RASAL2: variants seen among roughly 807,000 people sequenced by gnomAD.
The protein encoded by RASAL2 is ras GTPase-activating protein nGAP.
A neutral mutation model predicts 128.9 loss-of-function variants in RASAL2; 58 were observed. The ratio of observed to expected loss-of-function variants is 0.45; its 90% confidence interval spans 0.36 to 0.56. The LOEUF is 0.56. RASAL2 is among the 20% of genes least tolerant of loss of function. RASAL2 has a pLI of 0.00. For missense variants in RASAL2, 1,360 were observed against 1,601.6 expected (o/e 0.85, Z 2.57); for synonymous variants, 561 against 580.8 (o/e 0.97, Z 0.49).
chr1:178,165,691 T>C (rs908950721), intron 1 of RASAL2, among the ~76,000 whole-genome samples: 2 of 152,200 alleles, frequency 1.3e-5, no homozygotes, highest in Non-Finnish European at 2.9e-5. Context: ...GCCAGAGCTG[T>C]GTTTTATTCA....
At chr1:178,299,683 A>C (rs1434111044) in intron 2 of RASAL2, among the ~76,000 whole-genome samples, 3 of 151,798 alleles carry the variant, frequency 2.0e-5, no homozygotes, top group Non-Finnish European at 4.4e-5. Context: ...TTTTTGTAGA[A>C]ACAGGGTTTC....
chr1:178,137,384 A>G (rs1009256222), intron 1 of RASAL2, among the ~76,000 whole-genome samples: 3 of 152,202 alleles, frequency 2.0e-5, no homozygotes, highest in East Asian at 1.9e-4. Context: ...CTTTCTCCCA[A>G]TTACTGCATT....
chr1:178,343,741 T>G (rs1669999038), intron 3 of RASAL2, among the ~76,000 whole-genome samples: 1 of 152,170 alleles, frequency 6.6e-6, no homozygotes, highest in Non-Finnish European at 1.5e-5. Flanking sequence ...ACACACTTCT[T>G]TTTTAATTCT....
Position 178,094,527 on chromosome 1 carries a change from A to T in RASAL2, c.35A>T (p.Glu12Val). 4 of 1,574,012 alleles carry T rather than the reference A, an allele frequency of 2.5e-6. No individual in the cohort carries two copies. The highest frequency in any genetic ancestry group is 3.4e-6 in the Non-Finnish European group (4 of 1,160,590). ...ELSPSSGGAA[E>V]ALSWPEMFPA... ...TCTCCGTCGTCCGGAGGAGCCGCGG[A>T]GGCGCTGTCCTGGCCGGAGATGTTC... Residue 12 changes from glutamate (E) to valine (V), a missense_variant, in exon 1 of 18, where the codon GAG becomes GTG. Coordinates refer to ENST00000367649, the MANE Select transcript of RASAL2 (RefSeq NM_170692.4).
Position 178,457,611 on chromosome 1 carries a change from G to A in RASAL2, c.2391-72G>A. The A allele has an allele frequency of 4.0e-6, 6 of 1,510,766 alleles. No individual in the cohort carries two copies. The South Asian group carries it at 7.6e-5, about 19-fold the overall frequency. 93.6% of individuals were successfully genotyped at this position (1,510,766 alleles called of 1,614,324 possible). A position where few individuals can be genotyped will look rare whatever the true frequency, so the allele number is the denominator to read the frequency against. On this transcript the variant is annotated intron_variant, in intron 13 of 17. Coordinates refer to ENST00000367649, the MANE Select transcript of RASAL2 (RefSeq NM_170692.4). ...TAAGAACCTTCGGAGGAGTTCATAT[G>A]CCTGAATTGAGGCATCTTAGCCATG...
intron 1 of RASAL2, among the ~76,000 whole-genome samples, chr1:178,138,060 C>T (rs1256073247): frequency 6.6e-6 from 1 of 152,072 alleles, no homozygotes; most frequent in African/African-American, 2.4e-5. Context: ...AGGAGAAGTG[C>T]CACGTGTATT....
intron 6 of RASAL2, 77 bp from the exon 7 acceptor site, chr1:178,441,472 G>A: frequency 1.1e-6 from 1 of 949,694 alleles, no homozygotes; most frequent in Middle Eastern, 2.1e-4. Flanking sequence ...AAGAGTTAGA[G>A]GTATGCTGTG....
At chr1:178,219,656 G>A (rs1199325819) in intron 1 of RASAL2, among the ~76,000 whole-genome samples, 2 of 150,874 alleles carry the variant, frequency 1.3e-5, no homozygotes, top group African/African-American at 4.9e-5. Flanking sequence ...AAGAAAGAAA[G>A]AAAGAAAGAA....
intron 4 of RASAL2, among the ~76,000 whole-genome samples, chr1:178,407,879 T>C (rs1674092639): frequency 6.6e-6 from 1 of 152,226 alleles, no homozygotes; most frequent in Non-Finnish European, 1.5e-5. Flanking sequence ...GCAGCAGTTT[T>C]ATTTCAGTTA....
At chr1:178,266,564 G>A (rs1002715187) in intron 1 of RASAL2, among the ~76,000 whole-genome samples, 2 of 152,170 alleles carry the variant, frequency 1.3e-5, no homozygotes, top group African/African-American at 4.8e-5. Flanking sequence ...ATGGACACAC[G>A]TGGAGTGGTT....
chr1:178,176,234 T>G (rs1661885508), intron 1 of RASAL2, among the ~76,000 whole-genome samples: 1 of 140,478 alleles, frequency 7.1e-6, no homozygotes, highest in South Asian at 2.1e-4. Flanking sequence ...GTTTTTTGAC[T>G]CTAGTTGTGG....
chr1:178,442,969 C>A lies in RASAL2; in HGVS notation c.1222C>A (p.Arg408Ser). ...VNIPTASVTG[R>S]QFVEKWYPVS... Reference sequence around the variant, plus strand: ...CATCCCCACTGCCAGTGTGACTGGTCGCCAATTTGTAGAAAAGTGGTATCC... The same window carrying A: ...CATCCCCACTGCCAGTGTGACTGGTAGCCAATTTGTAGAAAAGTGGTATCC... Residue 408 changes from arginine to serine, a missense_variant, in exon 8 of 18, where the codon CGC becomes AGC. Arg to Ser is a moderately radical substitution (Grantham distance 110). Around this residue, in one of 3 missense-constraint regions of RASAL2, gnomAD observed 617 missense variants for 714.2 expected, o/e 0.86. Transcript: ENST00000367649. 1 of 1,613,994 alleles carries A rather than the reference C, an allele frequency of 6.2e-7. No individual in the cohort carries two copies. The highest frequency in any genetic ancestry group is 1.1e-5 in the South Asian group (1 of 91,072).
At chr1:178,382,875 A>G (rs901950292) in intron 3 of RASAL2, among the ~76,000 whole-genome samples, 1 of 152,158 alleles carries the variant, frequency 6.6e-6, no homozygotes, top group African/African-American at 2.4e-5. Context: ...CGTGTTTTCT[A>G]TCTGAAACTT....
chr1:178,245,234 A>G (rs548024696), intron 1 of RASAL2, among the ~76,000 whole-genome samples: 1 of 152,356 alleles, frequency 6.6e-6, no homozygotes, highest in South Asian at 2.1e-4. Context: ...CCTCGCCAGC[A>G]TCTGTTGTTT....
chr1:178,465,846 GA>G, intron 15 of RASAL2, 73 bp from the exon 16 acceptor site: 1 of 1,207,532 alleles, frequency 8.3e-7, no homozygotes, highest in South Asian at 1.7e-5. Flanking sequence ...GAAAGAGAAA[GA>G]AAGAAAAGTA....
At chr1:178,293,403 A>G (rs1667365562) in intron 2 of RASAL2, among the ~76,000 whole-genome samples, 1 of 152,254 alleles carries the variant, frequency 6.6e-6, no homozygotes, top group Non-Finnish European at 1.5e-5. Context: ...ATTAATCTGT[A>G]GGACGTATTG....
At chr1:178,219,336 G>T (rs1358855393) in intron 1 of RASAL2, among the ~76,000 whole-genome samples, 1 of 152,116 alleles carries the variant, frequency 6.6e-6, no homozygotes, top group African/African-American at 2.4e-5. Flanking sequence ...CTGGAGAGTA[G>T]CACTTTTAAT....
At chr1:178,343,497 G>A (rs1571894495) in intron 3 of RASAL2, among the ~76,000 whole-genome samples, 1 of 152,204 alleles carries the variant, frequency 6.6e-6, no homozygotes, top group Middle Eastern at 3.4e-3. Context: ...TATGTGAAAG[G>A]ACTGCCATGA....
chr1:178,246,831 G>T (rs2102069447), intron 1 of RASAL2, among the ~76,000 whole-genome samples: 1 of 152,210 alleles, frequency 6.6e-6, no homozygotes, highest in Non-Finnish European at 1.5e-5. Context: ...TAATCATATG[G>T]TTTTTGTCAT....
Sources: allele counts gnomAD v4.1 joint callset (sites outside exome capture counted in the v4.1 genomes callset), GRCh38; gene constraint gnomAD v4.1.1; regional missense constraint gnomAD v4.1.1; transcripts MANE v1.5; gene names NCBI Gene and HGNC (gene_info 2026-07-23, HGNC 2026-07-21).